Variants in XYLT2 observed in about 807,000 individuals in gnomAD.
XYLT2 encodes the protein xylosyltransferase 2, also known as UDP-D-xylose:proteoglycan core protein beta-D-xylosyltransferase.
In XYLT2, 37 loss-of-function variants were observed where a neutral mutation model predicts 82.6. The ratio of observed to expected loss-of-function variants is 0.45; its 90% CI spans 0.34 to 0.59. The LOEUF (loss-of-function observed/expected upper bound fraction) is 0.59, where lower values mean the gene tolerates loss of function less well. Ranked by LOEUF, XYLT2 falls within the 20% of genes least tolerant of loss-of-function variation. The pLI, the probability that XYLT2 is intolerant of heterozygous loss-of-function variation, is 0.01. For missense variants in XYLT2, 934 were observed against 1,181.3 expected, an observed-to-expected ratio of 0.79 and a Z score of 3.07; for synonymous variants, 474 against 499.0, an observed-to-expected ratio of 0.95 and a Z score of 0.67.
chr17:50,347,923 A>G (rs1912106552), intron 1 of XYLT2, among the ~76,000 whole-genome samples: 1 of 152,196 alleles, frequency 6.6e-6, no homozygotes, highest in Admixed American at 6.5e-5. Flanking sequence ...CTCCTCCCTT[A>G]TCCTTATCAG....
intron 10 of XYLT2, 31 bp downstream of exon 10, chr17:50,358,571 A>G: frequency 1.9e-6 from 3 of 1,581,922 alleles, no homozygotes; most frequent in Non-Finnish European, 2.6e-6. Flanking sequence ...TGAGGCCCAG[A>G]AGCCAGACAG....
chr17:50,350,490 C>T (rs1222017662), intron 1 of XYLT2, among the ~76,000 whole-genome samples: 1 of 118,838 alleles, frequency 8.4e-6, no homozygotes, highest in Non-Finnish European at 1.8e-5. Context: ...TCGCTTGAAC[C>T]CAAGAGGCAG....
chr17:50,354,784 A>C, intron 3 of XYLT2, 70 bp from the exon 4 acceptor site: 1 of 1,595,518 alleles, frequency 6.3e-7, no homozygotes, highest in Non-Finnish European at 8.5e-7. Flanking sequence ...GTGTCCCTTC[A>C]CTCTGTCCTG....
intron 4 of XYLT2, 136 bp downstream of exon 4, chr17:50,355,192 T>G: frequency 3.1e-6 from 3 of 978,692 alleles, no homozygotes; most frequent in Non-Finnish European, 3.0e-6. Flanking sequence ...CATGGGCCCC[T>G]GGGCCCCAGC....
rs370065508 is a variant in XYLT2 at position 50,360,070 on chromosome 17, G to T, written c.2377G>T (p.Ala793Ser). 3 of 1,613,960 alleles carry T rather than the reference G, an allele frequency of 1.9e-6. No homozygotes were observed. In the South Asian group the frequency reaches 3.3e-5, roughly 18 times the overall value. The change falls in exon 11 of 11, where the codon GCG (alanine) becomes TCG (serine). Residue 793 changes from alanine to serine, a missense_variant. This residue lies in a region of XYLT2 where 374 missense variants were observed against 465.6 expected (regional missense o/e 0.80). Transcript: ENST00000017003. ...SILNLPQPEL[A>S]EEAAQRHTQL... ...CCTGAACCTGCCTCAGCCGGAGCTC[G>T]CGGAGGAGGCTGCCCAGCGGCACAC...
Position 50,346,226 on chromosome 17 carries a change from G to C in XYLT2, c.86G>C (p.Gly29Ala). Reference sequence around the variant, plus strand: ...GCGCTGGCCATCCTGCTGCTGCAGGGCCTGGTAGTGTGGAGCTTCAGCGGC... The same window carrying C: ...GCGCTGGCCATCCTGCTGCTGCAGGCCCTGGTAGTGTGGAGCTTCAGCGGC... ...ATALAILLLQGLVVWSFSGLE... is the reference protein window; with the variant it reads ...ATALAILLLQALVVWSFSGLE... Residue 29 changes from glycine (G) to alanine (A), a missense_variant, in exon 1 of 11, where the codon GGC becomes GCC. Transcript: ENST00000017003. The surrounding 1 kb of genome is among the most constrained non-coding windows in gnomAD (Gnocchi z 5.1). 2 of 1,264,842 alleles carry C rather than the reference G, an allele frequency of 1.6e-6. No homozygotes were observed. The highest frequency in any genetic ancestry group is 2.0e-6 in the Non-Finnish European group (2 of 978,070). The allele number at this position is 1,264,842 out of a possible 1,614,324, so 78.4% of individuals were successfully genotyped here.
rs767623809 is a variant in XYLT2, at chr17:50,355,560, C to T, written c.1067C>T (p.Ser356Leu). The T allele has an allele frequency of 8.7e-6, 14 of 1,614,012 alleles. No individual in the cohort carries two copies. Among genetic ancestry groups the T allele is most frequent in the Non-Finnish European group, 1.2e-5 (14 of 1,180,042 alleles). Reference sequence around the variant, plus strand: ...AACCGGGACAAGAATTTCCTCAAGTCACATGGCCGGGACAACTCCAGGTGA... The same window carrying T: ...AACCGGGACAAGAATTTCCTCAAGTTACATGGCCGGGACAACTCCAGGTGA... ...SKNRDKNFLK[S>L]HGRDNSRFIK... The change falls in exon 5 of 11, where the codon TCA becomes TTA. Residue 356 changes from serine to leucine, a missense_variant. Ser to Leu is a moderately radical substitution (Grantham distance 145, BLOSUM62 -2). This residue lies in a region of XYLT2 where 189 missense variants were observed against 320.8 expected (regional missense o/e 0.59). Transcript: ENST00000017003.
chr17:50,351,708 G>A (rs1386642778), intron 1 of XYLT2, among the ~76,000 whole-genome samples: 1 of 152,206 alleles, frequency 6.6e-6, no homozygotes, highest in Non-Finnish European at 1.5e-5. Flanking sequence ...AACTGAGATG[G>A]GGAAGATGAA....
Position 50,356,016 on chromosome 17 carries a change from A to G in XYLT2, c.1305+19A>G. Reference sequence around the variant, plus strand: ...AGCCGAGGTGGGTAGCCCAGCAGGCATGAAGGCCAGGGAGGGCGTGGGTTG... The same window carrying G: ...AGCCGAGGTGGGTAGCCCAGCAGGCGTGAAGGCCAGGGAGGGCGTGGGTTG... On this transcript the variant is annotated intron_variant, in intron 6 of 10. Coordinates refer to ENST00000017003, the MANE Select transcript of XYLT2 (RefSeq NM_022167.4). 3 of 1,614,224 alleles carry G rather than the reference A, an allele frequency of 1.9e-6. No individual in the cohort carries two copies. The highest frequency in any genetic ancestry group is 1.7e-6 in the Non-Finnish European group (2 of 1,180,024).
intron 5 of XYLT2, 61 bp downstream of exon 5, chr17:50,355,642 T>C: frequency 2.5e-6 from 4 of 1,603,694 alleles, no homozygotes; most frequent in South Asian, 1.1e-5. Context: ...TCCCACACAG[T>C]TGGGCTCGGT....
intron 9 of XYLT2, chr17:50,357,454 C>T (rs879285685): frequency 8.1e-5 from 44 of 545,472 alleles, no homozygotes; most frequent in Non-Finnish European, 1.2e-4. Context: ...ATGCAGAGGA[C>T]ATGCAGGGAG....
Position 50,346,832 on chromosome 17 carries a change from C to G in XYLT2, c.135+557C>G. 1 of 985,338 alleles carries G rather than the reference C, an allele frequency of 1.0e-6. No individual in the cohort carries two copies. The highest frequency in any genetic ancestry group is 1.7e-5 in the African/African-American group (1 of 57,308). 61.0% of individuals were successfully genotyped at this position (985,338 alleles called of 1,614,324 possible). A position where few individuals can be genotyped will look rare whatever the true frequency, so the allele number is the denominator to read the frequency against. On this transcript the variant is annotated intron_variant, in intron 1 of 10. Transcript: ENST00000017003. This position sits in a 1 kb window ranked among gnomAD's most constrained non-coding sequence, Gnocchi z 5.1. ...GAACTGAAGGAACAGGGAGTGACGC[C>G]GAAGGAGAGAACTGGAGTATTCCCG...
chr17:50,351,134 T>C (rs1912252539), intron 1 of XYLT2, among the ~76,000 whole-genome samples: 1 of 151,570 alleles, frequency 6.6e-6, no homozygotes, highest in Admixed American at 6.6e-5. Context: ...AGTGGTGAAA[T>C]GGGATTTTAA....
At chr17:50,348,099 GATTCATTC>G (rs56009738) in intron 1 of XYLT2, among the ~76,000 whole-genome samples, 4 of 151,856 alleles carry the variant, frequency 2.6e-5, no homozygotes, top group Admixed American at 1.3e-4. Context: ...TTGGGAATAC[GATTCATTC>G]ATTCATTCAT....
chr17:50,346,891 C>T lies in XYLT2; in HGVS notation c.135+616C>T, dbSNP rs1262557654. 24 of 985,322 alleles carry T rather than the reference C, an allele frequency of 2.4e-5. No homozygotes were observed. The highest frequency in any genetic ancestry group is 2.9e-5 in the Non-Finnish European group (24 of 829,906). The allele number at this position is 985,322 out of a possible 1,614,324, so 61.0% of individuals were successfully genotyped here. A position where few individuals can be genotyped will look rare whatever the true frequency, so the allele number is the denominator to read the frequency against. ...CTTCCTCAGCCGGGGGTTTGAAGAA[C>T]CTGGATGGGTCTCCGGAGGGCAGGG... On this transcript the variant is annotated intron_variant, in intron 1 of 10. Coordinates refer to ENST00000017003, the MANE Select transcript of XYLT2 (RefSeq NM_022167.4). The surrounding 1 kb of genome is among the most constrained non-coding windows in gnomAD (Gnocchi z 5.1).
At position 50,358,202 on chromosome 17, in the gene XYLT2, T is replaced by A; in HGVS notation, c.1942-5T>A. 1 of 1,586,672 alleles carries A rather than the reference T, an allele frequency of 6.3e-7. No individual in the cohort carries two copies. Among genetic ancestry groups the A allele is most frequent in the Non-Finnish European group, 8.6e-7 (1 of 1,164,430 alleles). On this transcript the variant is annotated splice_region_variant and splice_polypyrimidine_tract_variant and intron_variant, in intron 9 of 10. Transcript: ENST00000017003. ...ACTCCTGCCCAGCTGCCTCTCTCTC[T>A]ACAGGTTGGCACTGATTGGGACCCC...
At chr17:50,351,637 G>GA (rs201320343) in intron 1 of XYLT2, among the ~76,000 whole-genome samples, 15 of 150,986 alleles carry the variant, frequency 9.9e-5, no homozygotes, top group East Asian at 7.8e-4. Flanking sequence ...CTATCTAAAA[G>GA]AAAAAAAAAT....
rs141313233 is a variant in XYLT2 at position 50,359,989 on chromosome 17, G to A, written c.2296G>A (p.Ala766Thr). The A allele has an allele frequency of 2.9e-5, 47 of 1,605,816 alleles. No individual in the cohort carries two copies. The highest frequency in any genetic ancestry group is 3.7e-5 in the Non-Finnish European group (44 of 1,175,086). ...CACAGATGATGCCAGCTGGCTGCAC[G>A]CAGGGCCACCCCACAACGAGTACAT... is the stretch of plus-strand genomic sequence containing the variant. The part of the protein sequence containing the change: ...LRKDDASWLH[A>T]GPPHNEYMEQ... Residue 766 changes from alanine (A) to threonine (T), a missense_variant, in exon 11 of 11, where the codon GCA becomes ACA. Physicochemically the swap from Ala to Thr is moderately conservative, Grantham distance 58 (BLOSUM62 0). This residue lies in a region of XYLT2 where 374 missense variants were observed against 465.6 expected (regional missense o/e 0.80). Coordinates refer to ENST00000017003, the MANE Select transcript of XYLT2 (RefSeq NM_022167.4).
chr17:50,351,540 A>T (rs1912267899), intron 1 of XYLT2, among the ~76,000 whole-genome samples: 1 of 152,180 alleles, frequency 6.6e-6, no homozygotes, highest in Non-Finnish European at 1.5e-5. Context: ...AGGCTGAGGC[A>T]GGAGAATCAC....
Sources: allele counts gnomAD v4.1 joint callset (sites outside exome capture counted in the v4.1 genomes callset), GRCh38; gene constraint gnomAD v4.1.1; regional missense constraint gnomAD v4.1.1; non-coding constraint Gnocchi (gnomAD v3.1); transcripts MANE v1.5; gene names NCBI Gene and HGNC (gene_info 2026-07-23, HGNC 2026-07-21).